Variants in RAPGEF1 observed in about 807,000 individuals in gnomAD.
RAPGEF1 encodes the protein Rap guanine nucleotide exchange factor 1.
In RAPGEF1, 33 loss-of-function variants were observed where a neutral mutation model predicts 143.3. The ratio of observed to expected loss-of-function variants is 0.23; its 90% CI spans 0.17 to 0.31. The LOEUF (loss-of-function observed/expected upper bound fraction) is 0.31. RAPGEF1 is among the 10% of genes least tolerant of loss of function. The pLI is 1.00. For missense variants in RAPGEF1, 1,199 were observed against 1,645.4 expected, an observed-to-expected ratio of 0.73 and a Z score of 4.69; for synonymous variants, 629 against 676.5, an observed-to-expected ratio of 0.93 and a Z score of 1.09.
chr9:131,705,338 T>C (rs1442666937), intron 1 of RAPGEF1, among the ~76,000 whole-genome samples: 2 of 151,260 alleles, frequency 1.3e-5, no homozygotes, highest in Non-Finnish European at 2.9e-5. Flanking sequence ...CCTCAGGTGG[T>C]TTACAATCAA....
At chr9:131,725,618 C>T (rs1836604901) in intron 1 of RAPGEF1, among the ~76,000 whole-genome samples, 1 of 152,154 alleles carries the variant, frequency 6.6e-6, no homozygotes. Context: ...ACCACTGCAC[C>T]CAGCTCTGTT....
intron 1 of RAPGEF1, among the ~76,000 whole-genome samples, chr9:131,736,361 C>G (rs748277785): frequency 2.6e-5 from 4 of 152,228 alleles, no homozygotes; most frequent in Non-Finnish European, 4.4e-5. Flanking sequence ...CCAGGCCTCA[C>G]TTGACAGGCC....
In RAPGEF1 at chr9:131,647,613, A is replaced by G. The variant is rs148900706; in HGVS notation, c.315+2516T>C. 1.9e-3 allele frequency among the ~76,000 whole-genome samples: 285 copies of G among 152,362 alleles called. 7 individuals carry two copies. Among genetic ancestry groups the G allele is most frequent in the Admixed American group, 0.017 (254 of 15,306 alleles). On this transcript the variant is annotated intron_variant, in intron 3 of 26. Transcript: ENST00000683357. ...AGACCCACTGCAAGGTTTCTTGGACATAATCCTCTAAGTCCACGTACTCTG... is the reference window on the plus strand; with the variant it reads ...AGACCCACTGCAAGGTTTCTTGGACGTAATCCTCTAAGTCCACGTACTCTG...
chr9:131,603,452 G>A (rs1243135287), intron 14 of RAPGEF1, among the ~76,000 whole-genome samples: 1 of 152,226 alleles, frequency 6.6e-6, no homozygotes, highest in Non-Finnish European at 1.5e-5. Context: ...TCCCTCAGGA[G>A]GGGGTGTGCA....
At chr9:131,736,809 C>T (rs1837448081) in intron 1 of RAPGEF1, among the ~76,000 whole-genome samples, 1 of 152,184 alleles carries the variant, frequency 6.6e-6, no homozygotes. Context: ...GTTTCTGTTG[C>T]TTTGAGATAA....
At chr9:131,638,948 T>C (rs1966938491) in intron 4 of RAPGEF1, among the ~76,000 whole-genome samples, 157 bp from the exon 5 acceptor site, 1 of 152,218 alleles carries the variant, frequency 6.6e-6, no homozygotes, top group South Asian at 2.1e-4. Context: ...ATGAGACTTT[T>C]TCCATACATC....
Position 131,641,811 on chromosome 9 carries a change from C to G in RAPGEF1, c.494+1428G>C, listed in dbSNP as rs1202805988. On this transcript the variant is annotated intron_variant, in intron 4 of 26. Coordinates refer to ENST00000683357, the MANE Select transcript of RAPGEF1 (RefSeq NM_001377935.1). This position sits in a 1 kb window ranked among gnomAD's most constrained non-coding sequence, Gnocchi z 4.6. ...CCTTCCCGTCACCAACCAGCGCCAGCGAGCTTCTGGCCAAAAGACCACAGT... is the reference window on the plus strand; with the variant it reads ...CCTTCCCGTCACCAACCAGCGCCAGGGAGCTTCTGGCCAAAAGACCACAGT... Among the ~76,000 whole-genome samples the G allele has an allele frequency of 6.6e-6, 1 of 152,256 alleles. No individual in the cohort carries two copies. The highest frequency in any genetic ancestry group is 2.1e-4 in the South Asian group (1 of 4,834).
intron 10 of RAPGEF1, among the ~76,000 whole-genome samples, chr9:131,624,607 C>A (rs1032572628): frequency 2.6e-5 from 4 of 152,180 alleles, no homozygotes; most frequent in African/African-American, 9.7e-5. Flanking sequence ...TCAGAGGACC[C>A]CTCCCCTAGG....
At chr9:131,624,967 G>T (rs527317289) in intron 10 of RAPGEF1, among the ~76,000 whole-genome samples, 7 of 152,376 alleles carry the variant, frequency 4.6e-5, no homozygotes, top group African/African-American at 1.7e-4. Context: ...CCCTCAGGGC[G>T]ACCCTTGCTG....
Position 131,621,487 on chromosome 9 carries a change from A to G in RAPGEF1, c.1905+309T>C, listed in dbSNP as rs1961001633. ...GAAGCCAAAGAAGAAAGAAAAAAAT[A>G]CAAGAGACTGTCAGCAGAGAGAGCA... On this transcript the variant is annotated intron_variant, in intron 11 of 26. Transcript: ENST00000683357. This position sits in a 1 kb window ranked among gnomAD's most constrained non-coding sequence, Gnocchi z 4.5. Among the ~76,000 whole-genome samples the G allele has an allele frequency of 6.6e-6, 1 of 152,214 alleles. No individual in the cohort carries two copies. The highest frequency in any genetic ancestry group is 1.5e-5 in the Non-Finnish European group (1 of 68,042).
At chr9:131,712,706 C>T (rs1179426857) in intron 1 of RAPGEF1, among the ~76,000 whole-genome samples, 2 of 152,172 alleles carry the variant, frequency 1.3e-5, no homozygotes, top group South Asian at 4.1e-4. Flanking sequence ...CATGAAAAAA[C>T]GCATCCTAGG....
intron 1 of RAPGEF1, among the ~76,000 whole-genome samples, chr9:131,724,338 G>A (rs979034761): frequency 5.3e-5 from 8 of 152,226 alleles, no homozygotes; most frequent in African/African-American, 9.6e-5. Context: ...GCTCACGCCT[G>A]TAATCCCAGC....
chr9:131,609,676 G>A (rs548808534), intron 12 of RAPGEF1, among the ~76,000 whole-genome samples: 2 of 152,212 alleles, frequency 1.3e-5, no homozygotes, highest in African/African-American at 4.8e-5. Context: ...GAGTCGAAAC[G>A]ATGCTGGAGG....
At chr9:131,724,174 G>A (rs892332132) in intron 1 of RAPGEF1, among the ~76,000 whole-genome samples, 3 of 152,178 alleles carry the variant, frequency 2.0e-5, no homozygotes, top group African/African-American at 4.8e-5. Flanking sequence ...GTAACTCATC[G>A]GACTGTGTGA....
intron 1 of RAPGEF1, among the ~76,000 whole-genome samples, chr9:131,729,851 T>C (rs1589120447): frequency 6.6e-6 from 1 of 152,208 alleles, no homozygotes; most frequent in Admixed American, 6.5e-5. Flanking sequence ...AAATGTGAGC[T>C]GCCATCATCC....
At chr9:131,601,947 T>G (rs151123257) in intron 15 of RAPGEF1, 114 bp downstream of exon 15, 8,613 of 713,624 alleles carry the variant, frequency 0.012, 67 homozygotes, top group Non-Finnish European at 0.017. Context: ...AGGAAGAGTT[T>G]CAACTTGAAA....
chr9:131,690,421 A>C (rs906369067), intron 1 of RAPGEF1, among the ~76,000 whole-genome samples: 8 of 152,236 alleles, frequency 5.3e-5, no homozygotes, highest in Non-Finnish European at 1.0e-4. Context: ...TGTTTGATCG[A>C]GCTAAAATTA....
At chr9:131,672,913 A>G (rs1051091601) in intron 1 of RAPGEF1, among the ~76,000 whole-genome samples, 1 of 152,276 alleles carries the variant, frequency 6.6e-6, no homozygotes, top group South Asian at 2.1e-4. Flanking sequence ...AAAGGCTCAG[A>G]GCACCAGTCA....
At position 131,675,452 on chromosome 9, in the gene RAPGEF1, G is replaced by A. The variant is rs562158588; in HGVS notation, c.62-24503C>T. 4.6e-5 allele frequency among the ~76,000 whole-genome samples: 7 copies of A among 152,322 alleles called. No homozygotes were observed. Among genetic ancestry groups the A allele is most frequent in the Admixed American group, 1.3e-4 (2 of 15,306 alleles). On this transcript the variant is annotated intron_variant, in intron 1 of 26. Coordinates refer to ENST00000683357, the MANE Select transcript of RAPGEF1 (RefSeq NM_001377935.1). The surrounding 1 kb of genome is among the most constrained non-coding windows in gnomAD (Gnocchi z 4.6). ...TTTTTCTTCACCGGCCATGAGAAAGGATTAATTCAGAAATCTAAAAATGGT... is the reference window on the plus strand; with the variant it reads ...TTTTTCTTCACCGGCCATGAGAAAGAATTAATTCAGAAATCTAAAAATGGT...
Sources: allele counts gnomAD v4.1 joint callset (sites outside exome capture counted in the v4.1 genomes callset), GRCh38; gene constraint gnomAD v4.1.1; non-coding constraint Gnocchi (gnomAD v3.1); transcripts MANE v1.5; gene names NCBI Gene and HGNC (gene_info 2026-07-23, HGNC 2026-07-21).